The following TOX2 variants were observed in gnomAD, a reference collection of about 807,000 sequenced individuals.
TOX2 encodes the protein TOX high mobility group box family member 2.
Under a neutral mutation model 47.4 loss-of-function variants are expected in TOX2, and 15 were observed. That is an observed-to-expected ratio of 0.32 (90% confidence interval 0.21 to 0.49). The LOEUF (loss-of-function observed/expected upper bound fraction) is 0.49, where lower values mean the gene tolerates loss of function less well. Among genes scored for constraint, TOX2 ranks in the 20% least tolerant of loss-of-function variants. TOX2 has a pLI of 0.99. For synonymous variants in TOX2, 290 were observed against 296.6 expected (o/e 0.98, Z 0.23); for missense variants, 622 against 673.1 (o/e 0.92, Z 0.84).
intron 2 of TOX2, among the ~76,000 whole-genome samples, chr20:43,975,901 G>T (rs190446833): frequency 2.6e-4 from 40 of 152,106 alleles, no homozygotes; most frequent in African/African-American, 8.0e-4. Context: ...ATGAGTGATG[G>T]TAGCCCCTGC....
chr20:44,033,306 T>C (rs1481801390), intron 3 of TOX2, among the ~76,000 whole-genome samples: 1 of 152,066 alleles, frequency 6.6e-6, no homozygotes, highest in Non-Finnish European at 1.5e-5. Flanking sequence ...CCAGGACATC[T>C]CAGAGAGCAG....
intron 3 of TOX2, among the ~76,000 whole-genome samples, chr20:44,030,120 AC>A: frequency 6.6e-6 from 1 of 151,390 alleles, no homozygotes; most frequent in Non-Finnish European, 1.5e-5. Flanking sequence ...CCACCTGGAA[AC>A]CCCCACTTGG....
chr20:44,039,543 C>A (rs936722907), intron 3 of TOX2, among the ~76,000 whole-genome samples: 1 of 152,098 alleles, frequency 6.6e-6, no homozygotes, highest in Admixed American at 6.5e-5. Flanking sequence ...TGAAAACAGA[C>A]CCTGACACAA....
At position 44,049,118 on chromosome 20, in the gene TOX2, C is replaced by T. The variant is rs183623967; in HGVS notation, c.412-2188C>T. Among the ~76,000 whole-genome samples, 306 of 152,256 alleles carry T rather than the reference C, an allele frequency of 2.0e-3. 2 individuals carry two copies. The highest frequency in any genetic ancestry group is 1.0e-3 in the Non-Finnish European group (71 of 68,028). ...GCACAACTCTGTCTCAAAACAAAAC[C>T]GACATCAAATTCCCAAAACAAACAC... is the stretch of plus-strand genomic sequence containing the variant. On this transcript the variant is annotated intron_variant, in intron 3 of 8. Coordinates refer to ENST00000341197, the MANE Select transcript of TOX2 (RefSeq NM_001098797.2).
chr20:43,983,409 C>T (rs1458097533), intron 2 of TOX2, among the ~76,000 whole-genome samples: 1 of 152,100 alleles, frequency 6.6e-6, no homozygotes, highest in Non-Finnish European at 1.5e-5. Flanking sequence ...AGCATCTCCC[C>T]ACTAGGGTGG....
intron 2 of TOX2, among the ~76,000 whole-genome samples, chr20:44,000,605 G>A (rs1253199237): frequency 6.6e-6 from 1 of 152,086 alleles, no homozygotes; most frequent in Non-Finnish European, 1.5e-5. Context: ...GGTAAGAACT[G>A]GAGCTCAGCA....
intron 3 of TOX2, chr20:44,039,163 G>T: frequency 7.9e-7 from 1 of 1,265,574 alleles, no homozygotes; most frequent in Non-Finnish European, 1.0e-6. Context: ...CCAGAGGCTT[G>T]GAAAGAGGGT....
Position 44,047,219 on chromosome 20 carries a change from G to T in TOX2, c.412-4087G>T, listed in dbSNP as rs184853106. Among the ~76,000 whole-genome samples the T allele has an allele frequency of 2.3e-3, 351 of 152,190 alleles. 1 individual carries two copies. Among genetic ancestry groups the T allele is most frequent in the Non-Finnish European group, 3.8e-3 (260 of 68,014 alleles). ...GATGCATAATTCTTTGTTTAGTGGG[G>T]ACATCCCTGGCCACTACCCAGCAGA... is the stretch of plus-strand genomic sequence containing the variant. On this transcript the variant is annotated intron_variant, in intron 3 of 8. Coordinates refer to ENST00000341197, the MANE Select transcript of TOX2 (RefSeq NM_001098797.2).
chr20:43,927,290 G>A lies in TOX2; in HGVS notation c.99+12300G>A, dbSNP rs76558320. Among the ~76,000 whole-genome samples, 1,087 of 152,188 alleles carry A rather than the reference G, an allele frequency of 7.1e-3. 16 individuals are homozygous for A. Among genetic ancestry groups the A allele is most frequent in the African/African-American group, 0.025 (1,030 of 41,508 alleles). ...GAGTTATGCTCCGCAATTAACAAAG[G>A]TGAAATTCTCTTGCAACAAGGAAAA... On this transcript the variant is annotated intron_variant, in intron 1 of 8. Coordinates refer to ENST00000341197, the MANE Select transcript of TOX2 (RefSeq NM_001098797.2).
rs1217261363 is a variant in TOX2 at position 43,963,905 on chromosome 20, A to G, written c.100-9462A>G. Among the ~76,000 whole-genome samples, 3 of 152,186 alleles carry G rather than the reference A, an allele frequency of 2.0e-5. No homozygotes were observed. In the East Asian group the frequency reaches 5.8e-4, roughly 29 times the overall value. Reference sequence around the variant, plus strand: ...AGCCCCACTCAGTTTCTTCATCTACAGAAGAGAGGTAGTTATAGCAACTGG... The same window carrying G: ...AGCCCCACTCAGTTTCTTCATCTACGGAAGAGAGGTAGTTATAGCAACTGG... On this transcript the variant is annotated intron_variant, in intron 1 of 8. Coordinates refer to ENST00000341197, the MANE Select transcript of TOX2 (RefSeq NM_001098797.2).
intron 2 of TOX2, among the ~76,000 whole-genome samples, chr20:43,976,777 C>CGT (rs1555835300): frequency 8.9e-5 from 12 of 135,184 alleles, no homozygotes; most frequent in African/African-American, 3.4e-4. Context: ...AACGCGAGCG[C>CGT]GCGCGCACAC....
At chr20:43,943,057 G>T (rs180944804) in intron 1 of TOX2, among the ~76,000 whole-genome samples, 1 of 152,052 alleles carries the variant, frequency 6.6e-6, no homozygotes, top group Non-Finnish European at 1.5e-5. Flanking sequence ...CTGGAATCCG[G>T]TCTCACAGCC....
intron 3 of TOX2, among the ~76,000 whole-genome samples, chr20:44,030,010 C>A (rs1287749658): frequency 6.6e-6 from 1 of 152,180 alleles, no homozygotes; most frequent in Non-Finnish European, 1.5e-5. Context: ...TTATAGGACT[C>A]TCCCGATGCT....
rs540585694 is a variant in TOX2 at position 44,021,522 on chromosome 20, T to C, written c.411+14730T>C. Reference sequence around the variant, plus strand: ...ACAAGACCCCCAACCACTCCCTTTTTGTCTGCCTTGTGAACTTGACACCTT... The same window carrying C: ...ACAAGACCCCCAACCACTCCCTTTTCGTCTGCCTTGTGAACTTGACACCTT... On this transcript the variant is annotated intron_variant, in intron 3 of 8. Transcript: ENST00000341197. Among the ~76,000 whole-genome samples the C allele has an allele frequency of 7.2e-5, 11 of 152,326 alleles. No individual in the cohort carries two copies. In the East Asian group the frequency reaches 1.7e-3, roughly 24 times the overall value.
intron 3 of TOX2, among the ~76,000 whole-genome samples, chr20:44,036,254 G>A (rs1442036243): frequency 6.6e-6 from 1 of 152,218 alleles, no homozygotes; most frequent in Non-Finnish European, 1.5e-5. Context: ...TCAGCTTGTG[G>A]CCAGCACAGG....
intron 1 of TOX2, among the ~76,000 whole-genome samples, chr20:43,932,780 C>A (rs899036450): frequency 7.1e-6 from 1 of 140,064 alleles, no homozygotes; most frequent in Non-Finnish European, 1.5e-5. Flanking sequence ...TGCTGCCCCC[C>A]CCCGCCATTT....
intron 3 of TOX2, among the ~76,000 whole-genome samples, chr20:44,023,314 C>G (rs1030356280): frequency 9.3e-5 from 14 of 150,660 alleles, no homozygotes; most frequent in African/African-American, 3.2e-4. Context: ...CCTGTAATCC[C>G]AGCTACTTGG....
chr20:44,025,372 G>A (rs2071044168), intron 3 of TOX2, among the ~76,000 whole-genome samples: 1 of 150,282 alleles, frequency 6.7e-6, no homozygotes, highest in Non-Finnish European at 1.5e-5. Context: ...GAGATTGGGG[G>A]ATGGAGTGAC....
chr20:43,973,938 G>C (rs962990288), intron 2 of TOX2, among the ~76,000 whole-genome samples: 2 of 152,216 alleles, frequency 1.3e-5, no homozygotes, highest in Non-Finnish European at 2.9e-5. Flanking sequence ...AAAGGAAGCA[G>C]AGTCATTCCT....
Sources: gnomAD v4.1 joint callset for allele counts (sites outside exome capture counted in the v4.1 genomes callset) on GRCh38, gnomAD v4.1.1 for gene constraint, MANE v1.5 for transcripts, NCBI Gene and HGNC (gene_info 2026-07-23, HGNC 2026-07-21) for gene names.